The following GRAMD2B variants were observed in gnomAD, a reference collection of about 807,000 sequenced individuals.
GRAMD2B encodes the protein GRAM domain containing 2B.
Under a neutral mutation model 59.2 loss-of-function variants are expected in GRAMD2B, and 41 were observed. The ratio of observed to expected loss-of-function variants is 0.69; its 90% CI spans 0.54 to 0.90. The LOEUF (loss-of-function observed/expected upper bound fraction) is 0.90. Ranked by LOEUF, GRAMD2B falls within the 40% of genes least tolerant of loss-of-function variation. GRAMD2B has a pLI of 0.00. For synonymous variants in GRAMD2B, 161 were observed against 182.7 expected, an observed-to-expected ratio of 0.88 and a Z score of 0.96; for missense variants, 424 against 500.5, an observed-to-expected ratio of 0.85 and a Z score of 1.46.
intron 1 of GRAMD2B, among the ~76,000 whole-genome samples, chr5:126,377,163 T>C (rs1180689454): frequency 6.7e-6 from 1 of 148,586 alleles, no homozygotes; most frequent in Non-Finnish European, 1.5e-5. Flanking sequence ...GAAGTCCTCT[T>C]TGATGGCCTC....
At chr5:126,378,147 G>T (rs1174656205) in intron 1 of GRAMD2B, among the ~76,000 whole-genome samples, 1 of 152,030 alleles carries the variant, frequency 6.6e-6, no homozygotes, top group Non-Finnish European at 1.5e-5. Flanking sequence ...TCACATAGTA[G>T]ATTATCATCA....
At chr5:126,418,967 C>A (rs1028596320), upstream of GRAMD2B, among the ~76,000 whole-genome samples, 1 of 152,184 alleles carries the variant, frequency 6.6e-6, no homozygotes, top group Admixed American at 6.5e-5. Flanking sequence ...CAGGTTTCAT[C>A]TTGATAAGGT....
At chr5:126,424,476 T>A (rs1368848165) in intron 1 of GRAMD2B, among the ~76,000 whole-genome samples, 1 of 152,244 alleles carries the variant, frequency 6.6e-6, no homozygotes, top group African/African-American at 2.4e-5. Flanking sequence ...CATAAGGTTA[T>A]ACTGATGTGA....
At chr5:126,420,804 T>C (rs879325911), upstream of GRAMD2B, among the ~76,000 whole-genome samples, 13 of 152,134 alleles carry the variant, frequency 8.5e-5, no homozygotes, top group Non-Finnish European at 1.5e-4. Context: ...AGCAGCATCA[T>C]TCACAATAGA....
chr5:126,381,205 T>C (rs1755627487), intron 1 of GRAMD2B, among the ~76,000 whole-genome samples: 1 of 152,222 alleles, frequency 6.6e-6, no homozygotes, highest in Non-Finnish European at 1.5e-5. Context: ...ATCACATTTA[T>C]TGACTTGGGG....
chr5:126,468,396 C>G (rs1053865167), intron 2 of GRAMD2B, among the ~76,000 whole-genome samples: 1 of 152,140 alleles, frequency 6.6e-6, no homozygotes, highest in Non-Finnish European at 1.5e-5. Flanking sequence ...GTCTCTTTTC[C>G]TCATACCCAA....
At chr5:126,460,959 T>C (rs558778793) in intron 1 of GRAMD2B, among the ~76,000 whole-genome samples, 1 of 152,354 alleles carries the variant, frequency 6.6e-6, no homozygotes, top group South Asian at 2.1e-4. Context: ...TAATTGTAGA[T>C]GTAAAACTAC....
intron 1 of GRAMD2B, among the ~76,000 whole-genome samples, chr5:126,451,939 A>G (rs774933992): frequency 6.6e-6 from 1 of 151,958 alleles, no homozygotes; most frequent in Non-Finnish European, 1.5e-5. Flanking sequence ...CACTCTCACC[A>G]TGGGATGTGC....
chr5:126,492,865 A>G, intron 13 of GRAMD2B, 50 bp from the exon 14 acceptor site: 1 of 1,198,762 alleles, frequency 8.3e-7, no homozygotes, highest in South Asian at 1.2e-5. Context: ...TATGCCCTTA[A>G]TATACTCCAT....
At chr5:126,461,347 A>C (rs975115664) in intron 1 of GRAMD2B, among the ~76,000 whole-genome samples, 5 of 152,220 alleles carry the variant, frequency 3.3e-5, no homozygotes, top group African/African-American at 1.2e-4. Flanking sequence ...AAAATTGTGA[A>C]ATGAGAATTT....
chr5:126,394,017 G>T (rs776835437), intron 1 of GRAMD2B, among the ~76,000 whole-genome samples: 8 of 152,244 alleles, frequency 5.3e-5, no homozygotes, highest in South Asian at 2.1e-4. Context: ...GCTCACACCT[G>T]TTAGCCCAGC....
chr5:126,379,751 A>C (rs1304294087), intron 1 of GRAMD2B, among the ~76,000 whole-genome samples: 1 of 151,440 alleles, frequency 6.6e-6, no homozygotes, highest in African/African-American at 2.4e-5. Flanking sequence ...TTTTGATGGG[A>C]TTGTTTGGTT....
At chr5:126,489,182 T>C (rs4836267) in intron 13 of GRAMD2B, among the ~76,000 whole-genome samples, 108,623 of 152,144 alleles carry the variant, frequency 0.71, 39,210 homozygotes, top group East Asian at 0.98. Flanking sequence ...GGTAAGTGAC[T>C]ACTGACATCG....
At chr5:126,425,659 G>A (rs1455388872) in intron 1 of GRAMD2B, among the ~76,000 whole-genome samples, 6 of 152,150 alleles carry the variant, frequency 3.9e-5, no homozygotes, top group African/African-American at 7.2e-5. Context: ...CCAGCTGCTC[G>A]GGAGGCTGAG....
intron 8 of GRAMD2B, 78 bp downstream of exon 8, chr5:126,480,785 C>T (rs1771570102): frequency 4.6e-6 from 6 of 1,309,816 alleles, no homozygotes; most frequent in Non-Finnish European, 6.6e-6. Context: ...TACACCATGA[C>T]CAGGGTGTGG....
intron 1 of GRAMD2B, among the ~76,000 whole-genome samples, chr5:126,407,202 T>C (rs1758336811): frequency 6.6e-6 from 1 of 152,022 alleles, no homozygotes; most frequent in Admixed American, 6.6e-5. Context: ...TTTTGGTTCA[T>C]TAGGTGCCTA....
At chr5:126,432,852 C>T (rs1761797926) in intron 1 of GRAMD2B, among the ~76,000 whole-genome samples, 1 of 152,172 alleles carries the variant, frequency 6.6e-6, no homozygotes, top group African/African-American at 2.4e-5. Context: ...CACCTTTTCT[C>T]AAATTCTAAA....
Position 126,480,508 on chromosome 5 carries a change from C to T in GRAMD2B, c.635C>T (p.Ser212Phe), listed in dbSNP as rs1381820253. The change falls in exon 7 of 14, where the codon TCT (serine) becomes TTT (phenylalanine). Residue 212 changes from serine (S) to phenylalanine (F), a missense_variant. By Grantham distance (155) the Ser-to-Phe change is radical. Transcript: ENST00000285689. Reference protein sequence around the residue: ...SRDSTYKLLKSVCGHLENTSV... With the variant: ...SRDSTYKLLKFVCGHLENTSV... ...GATTCAACTTACAAACTACTAAAATCTGTGTGTGGACACTTAGAAGTGAGT... is the reference window on the plus strand; with the variant it reads ...GATTCAACTTACAAACTACTAAAATTTGTGTGTGGACACTTAGAAGTGAGT... The T allele has an allele frequency of 6.8e-6, 11 of 1,613,088 alleles. No homozygotes were observed. Among genetic ancestry groups the T allele is most frequent in the Non-Finnish European group, 1.7e-6 (2 of 1,179,158 alleles).
upstream of GRAMD2B, among the ~76,000 whole-genome samples, chr5:126,418,804 G>T (rs1759472162): frequency 6.6e-6 from 1 of 152,098 alleles, no homozygotes; most frequent in African/African-American, 2.4e-5. Flanking sequence ...GTTCTTAATT[G>T]TCACTGTGTG....
Sources: allele counts gnomAD v4.1 joint callset (sites outside exome capture counted in the v4.1 genomes callset), GRCh38; gene constraint gnomAD v4.1.1; transcripts MANE v1.5; gene names NCBI Gene and HGNC (gene_info 2026-07-23, HGNC 2026-07-21).